BTBD9: variants seen among roughly 807,000 people sequenced by gnomAD.
BTBD9 encodes the protein BTB domain containing 9.
Under a neutral mutation model 64.3 loss-of-function variants are expected in BTBD9, and 49 were observed. That is an observed-to-expected ratio of 0.76 (90% CI 0.61 to 0.97). BTBD9 has a LOEUF of 0.97. Ranked by LOEUF, BTBD9 falls within the 50% of genes least tolerant of loss-of-function variation. The probability of loss-of-function intolerance (pLI) is 0.00; values close to 1 mark genes in which losing one functional copy is unlikely to be tolerated. For synonymous variants in BTBD9, 260 were observed against 274.7 expected, an observed-to-expected ratio of 0.95 and a Z score of 0.53; for missense variants, 598 against 762.1, an observed-to-expected ratio of 0.78 and a Z score of 2.53.
chr6:38,597,686 T>G (rs1008863255), intron 2 of BTBD9, among the ~76,000 whole-genome samples: 1 of 152,206 alleles, frequency 6.6e-6, no homozygotes, highest in East Asian at 1.9e-4. Context: ...GGGCACTATT[T>G]GGTCTGGGAA....
intron 1 of BTBD9, among the ~76,000 whole-genome samples, chr6:38,604,777 T>C (rs1236774533): frequency 2.6e-5 from 4 of 152,220 alleles, no homozygotes; most frequent in Non-Finnish European, 4.4e-5. Flanking sequence ...ATTGGCTATG[T>C]GCTCTCCAAA....
At chr6:38,303,861 A>ATCTATATC (rs1352201682) in intron 7 of BTBD9, among the ~76,000 whole-genome samples, 1 of 120,248 alleles carries the variant, frequency 8.3e-6, no homozygotes. Flanking sequence ...ATATATATAT[A>ATCTATATC]TATATATATA....
At chr6:38,485,663 G>A (rs921796766) in intron 6 of BTBD9, among the ~76,000 whole-genome samples, 1 of 152,212 alleles carries the variant, frequency 6.6e-6, no homozygotes, top group African/African-American at 2.4e-5. Flanking sequence ...GTAAACAGAT[G>A]TGCAGTCATC....
At chr6:38,594,878 A>T (rs1776970174) in intron 2 of BTBD9, among the ~76,000 whole-genome samples, 1 of 152,236 alleles carries the variant, frequency 6.6e-6, no homozygotes, top group Non-Finnish European at 1.5e-5. Flanking sequence ...TAAAATGTGC[A>T]TACCCTTCAA....
In BTBD9 at chr6:38,171,868, AAAAAAAAAAAAAAATAAT is replaced by A. The variant is rs1766793266; in HGVS notation, c.*3099_*3116del. On this transcript the variant is annotated 3_prime_UTR_variant, in exon 11 of 11. Transcript: ENST00000481247. The stretch of plus-strand genomic sequence containing the variant: ...TCTCAAAAAAAAAAAAAAAAAAAAA[AAAAAAAAAAAAAAATAAT>A]AATAATAATAATAATAATAATAATG... 3.6e-5 allele frequency: 4 copies of A among 111,760 alleles called. No individual in the cohort carries two copies. Among genetic ancestry groups the A allele is most frequent in the Admixed American group, 8.7e-5 (1 of 11,528 alleles). 6.9% of individuals were successfully genotyped at this position (111,760 alleles called of 1,614,324 possible). A position where few individuals can be genotyped will look rare whatever the true frequency, so the allele number is the denominator to read the frequency against.
chr6:38,198,014 AT>A (rs1303774182), intron 9 of BTBD9, among the ~76,000 whole-genome samples: 1 of 152,244 alleles, frequency 6.6e-6, no homozygotes, highest in Non-Finnish European at 1.5e-5. Flanking sequence ...AGAATGTTTC[AT>A]TTCTTTGATT....
chr6:38,551,070 T>C (rs1208557698), intron 6 of BTBD9, among the ~76,000 whole-genome samples: 4 of 152,222 alleles, frequency 2.6e-5, no homozygotes, highest in Admixed American at 6.5e-5. Flanking sequence ...ACCTTTATAA[T>C]GAGGCCTTGC....
chr6:38,543,494 G>C (rs1774381967), intron 6 of BTBD9, among the ~76,000 whole-genome samples: 1 of 152,170 alleles, frequency 6.6e-6, no homozygotes, highest in Non-Finnish European at 1.5e-5. Context: ...TACAATAAGA[G>C]CTCTTACAAT....
chr6:38,428,610 T>C (rs1271931631), intron 6 of BTBD9, among the ~76,000 whole-genome samples: 2 of 151,836 alleles, frequency 1.3e-5, no homozygotes, highest in Non-Finnish European at 2.9e-5. Context: ...CAGTGTTTGA[T>C]ACAAAGCTCT....
At chr6:38,230,027 C>T (rs886756816) in intron 9 of BTBD9, among the ~76,000 whole-genome samples, 1 of 152,194 alleles carries the variant, frequency 6.6e-6, no homozygotes, top group African/African-American at 2.4e-5. Context: ...GTCCATTCTA[C>T]CAGCAATACA....
intron 9 of BTBD9, among the ~76,000 whole-genome samples, chr6:38,225,346 T>C (rs999295778): frequency 1.8e-4 from 28 of 152,156 alleles, no homozygotes; most frequent in African/African-American, 5.8e-4. Flanking sequence ...TCACAGTTAA[T>C]GGGAAGATGC....
chr6:38,218,011 C>A (rs1763071412), intron 9 of BTBD9, among the ~76,000 whole-genome samples: 1 of 152,190 alleles, frequency 6.6e-6, no homozygotes, highest in African/African-American at 2.4e-5. Context: ...CTTCAATCTA[C>A]TCCTTAGGAA....
chr6:38,405,407 T>C (rs1767118874), intron 6 of BTBD9, among the ~76,000 whole-genome samples: 1 of 152,188 alleles, frequency 6.6e-6, no homozygotes, highest in Admixed American at 6.5e-5. Flanking sequence ...AGAAAAAGAA[T>C]AGCTTCTAGA....
intron 6 of BTBD9, among the ~76,000 whole-genome samples, chr6:38,553,899 AG>A (rs1226084960): frequency 6.6e-6 from 1 of 152,144 alleles, no homozygotes; most frequent in Non-Finnish European, 1.5e-5. Context: ...CATTGGGAAC[AG>A]GAAGTTCTGG....
At chr6:38,456,379 G>A (rs192881962) in intron 6 of BTBD9, among the ~76,000 whole-genome samples, 16 of 152,260 alleles carry the variant, frequency 1.1e-4, no homozygotes, top group Admixed American at 1.0e-3. Context: ...GGAGTGAAAT[G>A]GTGGTATCAT....
intron 6 of BTBD9, among the ~76,000 whole-genome samples, chr6:38,393,136 C>T (rs963233085): frequency 7.9e-5 from 12 of 152,138 alleles, no homozygotes; most frequent in Middle Eastern, 3.2e-3. Context: ...TCAGGTGATC[C>T]GTCCGCCTTA....
Position 38,187,125 on chromosome 6 carries a change from C to G in BTBD9, c.1641+5394G>C, listed in dbSNP as rs573937307. Among the ~76,000 whole-genome samples, 23 of 152,240 alleles carry G rather than the reference C, an allele frequency of 1.5e-4. No individual in the cohort carries two copies. The East Asian group carries it at 3.9e-3, about 26-fold the overall frequency. On this transcript the variant is annotated intron_variant, in intron 10 of 10. Coordinates refer to ENST00000481247, the MANE Select transcript of BTBD9 (RefSeq NM_001099272.2). ...TGAAATGGAAGGGTTTCTGGGAGAC[C>G]CCGCACATCAGAACCAGTGTGGCTC...
intron 9 of BTBD9, among the ~76,000 whole-genome samples, chr6:38,207,681 G>GA (rs200585384): frequency 2.0e-5 from 3 of 146,620 alleles, no homozygotes; most frequent in African/African-American, 7.5e-5. Flanking sequence ...GACCTTGAAG[G>GA]AAAAAAAAAA....
intron 8 of BTBD9, among the ~76,000 whole-genome samples, chr6:38,281,230 T>C (rs1381724019): frequency 2.0e-5 from 3 of 152,168 alleles, no homozygotes; most frequent in East Asian, 3.9e-4. Context: ...GAGCAACAGT[T>C]AGGCAGGGTG....
Sources: allele counts gnomAD v4.1 joint callset (sites outside exome capture counted in the v4.1 genomes callset), GRCh38; gene constraint gnomAD v4.1.1; transcripts MANE v1.5; gene names NCBI Gene and HGNC (gene_info 2026-07-23, HGNC 2026-07-21).